Variants in LUZP2 observed in about 807,000 individuals in gnomAD.
LUZP2 encodes leucine zipper protein 2.
LUZP2 carries 52 observed loss-of-function variants against 51.6 expected under a neutral mutation model. The ratio of observed to expected loss-of-function variants is 1.01; its 90% confidence interval spans 0.81 to 1.27. LUZP2 has a LOEUF of 1.27. LUZP2 is among the 50% of genes most tolerant of loss of function. The pLI is 0.00. For synonymous variants in LUZP2, 154 were observed against 137.3 expected (o/e 1.12, Z -0.85); for missense variants, 436 against 395.4 (o/e 1.10, Z -0.87).
rs1051658111 is a variant in LUZP2 at position 24,627,577 on chromosome 11, G to A, written c.63-101592G>A. ...CATTCAGATAGCAATTTGCTTTACC[G>A]AGTAGAGGCAGAACATGAAATCCAG... On this transcript the variant is annotated intron_variant, in intron 1 of 11. Transcript: ENST00000336930. Among the ~76,000 whole-genome samples the A allele has an allele frequency of 6.6e-5, 10 of 152,122 alleles. 1 individual carries two copies. Among genetic ancestry groups the A allele is most frequent in the African/African-American group, 2.4e-4 (10 of 41,422 alleles).
chr11:24,644,761 G>A (rs556271013), intron 1 of LUZP2, among the ~76,000 whole-genome samples: 1 of 152,206 alleles, frequency 6.6e-6, no homozygotes, highest in East Asian at 1.9e-4. Context: ...AACTGTGTTA[G>A]CATATACATT....
At chr11:24,812,846 G>A (rs531251485) in intron 5 of LUZP2, among the ~76,000 whole-genome samples, 1 of 152,234 alleles carries the variant, frequency 6.6e-6, no homozygotes, top group Admixed American at 6.5e-5. Context: ...CTTTCATACA[G>A]GCTCGCTAGG....
chr11:25,000,000 G>A (rs534300709), intron 9 of LUZP2, among the ~76,000 whole-genome samples: 2 of 152,144 alleles, frequency 1.3e-5, no homozygotes, highest in South Asian at 2.1e-4. Flanking sequence ...CCCTTATTTG[G>A]CCCCGCCCAT....
intron 9 of LUZP2, among the ~76,000 whole-genome samples, chr11:24,984,603 AG>A (rs1246122757): frequency 7.0e-6 from 1 of 142,560 alleles, no homozygotes; most frequent in African/African-American, 2.6e-5. Context: ...CAAAATTGCA[AG>A]GGTTTACTAG....
chr11:24,922,697 G>A (rs1354862357), intron 7 of LUZP2, among the ~76,000 whole-genome samples: 1 of 151,944 alleles, frequency 6.6e-6, no homozygotes, highest in African/African-American at 2.4e-5. Context: ...ATTCATTTGT[G>A]CGTCAAAATA....
intron 5 of LUZP2, among the ~76,000 whole-genome samples, chr11:24,862,113 C>G (rs1421600651): frequency 6.6e-6 from 1 of 150,514 alleles, no homozygotes; most frequent in African/African-American, 2.5e-5. Flanking sequence ...TCTCCAAGGT[C>G]AAAATGAAGG....
chr11:24,602,126 G>GTATATATGTATA (rs533429284), intron 1 of LUZP2, among the ~76,000 whole-genome samples: 2 of 105,164 alleles, frequency 1.9e-5, no homozygotes, highest in Admixed American at 1.1e-4. Context: ...ATGTATATAT[G>GTATATATGTATA]TATATGTGTA....
intron 5 of LUZP2, among the ~76,000 whole-genome samples, chr11:24,813,760 G>T (rs904895795): frequency 3.9e-5 from 6 of 152,210 alleles, no homozygotes; most frequent in African/African-American, 1.4e-4. Flanking sequence ...AAATTACTCA[G>T]TGTGGTGATG....
At chr11:24,821,872 T>TA (rs1250318840) in intron 5 of LUZP2, among the ~76,000 whole-genome samples, 51 of 144,102 alleles carry the variant, frequency 3.5e-4, no homozygotes, top group African/African-American at 1.3e-3. Flanking sequence ...GCCAGAAATA[T>TA]TTATATATAT....
At chr11:24,899,778 A>G (rs928233697) in intron 5 of LUZP2, among the ~76,000 whole-genome samples, 1 of 152,278 alleles carries the variant, frequency 6.6e-6, no homozygotes, top group Admixed American at 6.5e-5. Context: ...GTAAGCACCT[A>G]AAAGAGCTTC....
chr11:24,871,428 T>C (rs150403806), intron 5 of LUZP2, among the ~76,000 whole-genome samples: 48 of 152,184 alleles, frequency 3.2e-4, no homozygotes, highest in Admixed American at 5.2e-4. Flanking sequence ...CAGCCAGTTA[T>C]CATATTTACC....
chr11:24,818,668 A>T, intron 5 of LUZP2, among the ~76,000 whole-genome samples: 1 of 152,014 alleles, frequency 6.6e-6, no homozygotes, highest in East Asian at 1.9e-4. Context: ...ATTTACTGTG[A>T]GATTATTATA....
intron 5 of LUZP2, among the ~76,000 whole-genome samples, chr11:24,826,559 T>G (rs367931356): frequency 3.4e-4 from 51 of 151,172 alleles, no homozygotes; most frequent in African/African-American, 1.2e-3. Context: ...TCCAAAACAG[T>G]GTTAAAAGCA....
chr11:24,991,873 G>A (rs188228135), intron 9 of LUZP2, among the ~76,000 whole-genome samples: 17 of 152,066 alleles, frequency 1.1e-4, no homozygotes, highest in Admixed American at 9.2e-4. Flanking sequence ...TTTCTTTTGG[G>A]AATTGCCTAT....
intron 1 of LUZP2, among the ~76,000 whole-genome samples, chr11:24,518,116 G>C (rs1320475670): frequency 6.6e-6 from 1 of 152,070 alleles, no homozygotes; most frequent in Non-Finnish European, 1.5e-5. Context: ...TAATGAATAA[G>C]ATAACATTGA....
chr11:24,679,345 A>T (rs1045150012), intron 1 of LUZP2, among the ~76,000 whole-genome samples: 21 of 152,318 alleles, frequency 1.4e-4, no homozygotes, highest in African/African-American at 4.8e-4. Context: ...GAGAAGTTAC[A>T]TTTCACAAAA....
chr11:24,738,324 G>T (rs199933716), intron 4 of LUZP2, 22 bp downstream of exon 4: 20 of 1,575,308 alleles, frequency 1.3e-5, no homozygotes, highest in Non-Finnish European at 1.6e-5. Context: ...TCTTCTTTGT[G>T]CCTTTTGCTT....
intron 7 of LUZP2, among the ~76,000 whole-genome samples, chr11:24,963,156 G>T (rs1028410528): frequency 1.3e-5 from 2 of 152,170 alleles, no homozygotes; most frequent in Non-Finnish European, 2.9e-5. Flanking sequence ...GCCGTGTGAA[G>T]TGTCAGTCTG....
intron 1 of LUZP2, among the ~76,000 whole-genome samples, chr11:24,598,195 A>G (rs571541296): frequency 2.5e-3 from 383 of 152,224 alleles, no homozygotes; most frequent in Non-Finnish European, 4.5e-3. Flanking sequence ...AGATGACAGA[A>G]TTGTTGGACC....
Sources: gnomAD v4.1 joint callset for allele counts (sites outside exome capture counted in the v4.1 genomes callset) on GRCh38, gnomAD v4.1.1 for gene constraint, MANE v1.5 for transcripts, NCBI Gene and HGNC (gene_info 2026-07-23, HGNC 2026-07-21) for gene names.